The following SIL1 variants were observed in gnomAD, a reference collection of about 807,000 sequenced individuals.
SIL1 encodes the protein SIL1 nucleotide exchange factor.
SIL1 carries 40 observed loss-of-function variants against 49.1 expected under a neutral mutation model. That is an observed-to-expected ratio of 0.81 (90% CI 0.63 to 1.06). The LOEUF is 1.06. SIL1 is among the 50% of genes least tolerant of loss of function. The probability of loss-of-function intolerance (pLI) is 0.00; values close to 1 mark genes in which losing one functional copy is unlikely to be tolerated. For synonymous variants in SIL1, 253 were observed against 250.8 expected (o/e 1.01, Z -0.08); for missense variants, 500 against 572.6 (o/e 0.87, Z 1.29).
chr5:139,087,948 C>T (rs1035920927), intron 3 of SIL1, among the ~76,000 whole-genome samples: 31 of 152,230 alleles, frequency 2.0e-4, no homozygotes, highest in Non-Finnish European at 3.7e-4. Flanking sequence ...CAGGTGCTCA[C>T]TCCCTCCCTC....
chr5:139,052,455 C>T (rs1221018031), intron 3 of SIL1, among the ~76,000 whole-genome samples: 8 of 152,176 alleles, frequency 5.3e-5, no homozygotes, highest in Admixed American at 6.5e-5. Context: ...GAGGCCAAGG[C>T]AGGTGGATCA....
intron 7 of SIL1, among the ~76,000 whole-genome samples, chr5:138,995,373 T>C (rs1281845563): frequency 6.8e-6 from 1 of 147,802 alleles, no homozygotes; most frequent in Non-Finnish European, 1.5e-5. Flanking sequence ...GCCTCCCAAG[T>C]AGCTGGGATT....
chr5:139,066,884 T>C (rs1769718160), intron 3 of SIL1, among the ~76,000 whole-genome samples: 1 of 152,162 alleles, frequency 6.6e-6, no homozygotes, highest in Non-Finnish European at 1.5e-5. Flanking sequence ...TTTGTATTTT[T>C]GTACAGACAG....
chr5:139,024,327 G>T (rs1293900394), intron 6 of SIL1, among the ~76,000 whole-genome samples: 2 of 152,210 alleles, frequency 1.3e-5, no homozygotes, highest in East Asian at 3.8e-4. Flanking sequence ...GAGTAAGACT[G>T]GAAAGGGGAA....
intron 6 of SIL1, among the ~76,000 whole-genome samples, chr5:139,021,669 G>A (rs1561831916): frequency 6.6e-6 from 1 of 152,116 alleles, no homozygotes; most frequent in Non-Finnish European, 1.5e-5. Flanking sequence ...CATGCTTCCT[G>A]CTGATGTCCA....
At position 139,184,235 on chromosome 5, in the gene SIL1, T is replaced by G. The variant is rs76877879; in HGVS notation, c.-11+14034A>C. 6.3e-3 allele frequency among the ~76,000 whole-genome samples: 953 copies of G among 152,282 alleles called. 7 individuals are homozygous for G. The highest frequency in any genetic ancestry group is 0.017 in the African/African-American group (695 of 41,542). ...GTAAAGAATTCCAAAGAGGACTGCC[T>G]CATTGCTACAAGAACTAAGAACAAG... On this transcript the variant is annotated intron_variant, in intron 1 of 9. Transcript: ENST00000394817.
chr5:139,074,337 A>G (rs1050189953), intron 3 of SIL1, among the ~76,000 whole-genome samples: 8 of 152,200 alleles, frequency 5.3e-5, no homozygotes, highest in Admixed American at 1.3e-4. Flanking sequence ...GATTATAGGC[A>G]TGAGCCATCA....
intron 1 of SIL1, among the ~76,000 whole-genome samples, chr5:139,128,225 T>A (rs1422233560): frequency 1.3e-5 from 2 of 152,112 alleles, no homozygotes; most frequent in East Asian, 1.9e-4. Flanking sequence ...CAAATCCACA[T>A]AAGCCTTTAT....
Position 139,010,721 on chromosome 5 carries a change from C to CGAG in SIL1, c.767+10449_767+10450insCTC. On this transcript the variant is annotated intron_variant, in intron 7 of 9. Coordinates refer to ENST00000394817, the MANE Select transcript of SIL1 (RefSeq NM_022464.5). ...CTGCAGGTCTGTTGGAATACCCTGC[C>CGAG]GTGTGATGTGTCAGTGTGCCCCTGC... 2.0e-5 allele frequency among the ~76,000 whole-genome samples: 3 copies of CGAG among 151,552 alleles called. No homozygotes were observed. In the South Asian group the frequency reaches 6.3e-4, roughly 32 times the overall value.
intron 3 of SIL1, among the ~76,000 whole-genome samples, chr5:139,093,213 G>A (rs188704136): frequency 1.3e-5 from 2 of 152,306 alleles, no homozygotes; most frequent in Non-Finnish European, 2.9e-5. Flanking sequence ...CTTTGGCCAC[G>A]TATGCCACAG....
At chr5:138,957,555 G>T (rs1263466460) in intron 7 of SIL1, among the ~76,000 whole-genome samples, 1 of 151,778 alleles carries the variant, frequency 6.6e-6, no homozygotes, top group Non-Finnish European at 1.5e-5. Flanking sequence ...GTGAGATTCT[G>T]TCTCTCTAAA....
At chr5:139,028,909 C>T (rs947419705) in intron 5 of SIL1, among the ~76,000 whole-genome samples, 3 of 152,184 alleles carry the variant, frequency 2.0e-5, no homozygotes, top group Non-Finnish European at 4.4e-5. Flanking sequence ...TATACTTTAT[C>T]CTCCCATGCT....
At chr5:139,169,622 C>G (rs1489161435) in intron 1 of SIL1, among the ~76,000 whole-genome samples, 1 of 151,914 alleles carries the variant, frequency 6.6e-6, no homozygotes, top group African/African-American at 2.4e-5. Flanking sequence ...GCTGGGACTA[C>G]AGGTGCACAC....
intron 1 of SIL1, among the ~76,000 whole-genome samples, chr5:139,155,975 G>T (rs1203195740): frequency 1.3e-5 from 2 of 152,110 alleles, no homozygotes; most frequent in Non-Finnish European, 2.9e-5. Context: ...TGGGATTACA[G>T]GAACACACCA....
In SIL1 at chr5:138,951,245, G is replaced by C. The variant is rs2150377479; in HGVS notation, c.955C>G (p.Leu319Val). 1 of 1,600,344 alleles carries C rather than the reference G, an allele frequency of 6.2e-7. No individual in the cohort carries two copies. The change falls in exon 9 of 10, where the codon CTG becomes GTG. Residue 319 changes from leucine (L) to valine (V), a missense_variant. Transcript: ENST00000394817. ...ACCTCCGTGCCCTTCTCCTGCACCA[G>C]GGTCCTCAGGACCTGCAGCCCCCCG... ...KLGGLQVLRT[L>V]VQEKGTEVLA...
intron 7 of SIL1, among the ~76,000 whole-genome samples, chr5:138,972,039 C>T (rs1189201126): frequency 6.6e-6 from 1 of 152,158 alleles, no homozygotes; most frequent in African/African-American, 2.4e-5. Context: ...CCAGAATGAG[C>T]TCTGTAGGGT....
At chr5:139,079,671 G>A (rs1297856304) in intron 3 of SIL1, among the ~76,000 whole-genome samples, 1 of 152,156 alleles carries the variant, frequency 6.6e-6, no homozygotes, top group Non-Finnish European at 1.5e-5. Flanking sequence ...AGTTCAAGTG[G>A]CTGCAAATAG....
At chr5:139,089,100 T>A (rs964518615) in intron 3 of SIL1, among the ~76,000 whole-genome samples, 5 of 152,188 alleles carry the variant, frequency 3.3e-5, no homozygotes, top group Non-Finnish European at 7.4e-5. Flanking sequence ...GTATATACGG[T>A]TGGAACACTG....
chr5:139,073,808 C>T (rs1769885545), intron 3 of SIL1, among the ~76,000 whole-genome samples: 1 of 151,816 alleles, frequency 6.6e-6, no homozygotes, highest in Admixed American at 6.6e-5. Flanking sequence ...CACCTATAAT[C>T]CCAGCTACTT....
Sources: gnomAD v4.1 joint callset for allele counts (sites outside exome capture counted in the v4.1 genomes callset) on GRCh38, gnomAD v4.1.1 for gene constraint, MANE v1.5 for transcripts, NCBI Gene and HGNC (gene_info 2026-07-23, HGNC 2026-07-21) for gene names.